The following HS6ST3 variants were observed in gnomAD, a reference collection of about 807,000 sequenced individuals.
The protein encoded by HS6ST3 is heparan-sulfate 6-O-sulfotransferase 3.
In HS6ST3, 12 loss-of-function variants were observed where a neutral mutation model predicts 36.7. That is an observed-to-expected ratio of 0.33 (90% CI 0.21 to 0.53). The LOEUF (loss-of-function observed/expected upper bound fraction) is 0.53, where lower values mean the gene tolerates loss of function less well. HS6ST3 is among the 20% of genes least tolerant of loss of function. The pLI is 0.95. For synonymous variants in HS6ST3, 240 were observed against 257.5 expected (o/e 0.93, Z 0.65); for missense variants, 584 against 640.9 (o/e 0.91, Z 0.96).
chr13:96,284,775 C>A (rs1193392854), intron 1 of HS6ST3, among the ~76,000 whole-genome samples: 5 of 151,946 alleles, frequency 3.3e-5, no homozygotes, highest in African/African-American at 9.7e-5. Flanking sequence ...TGCTTGCTTG[C>A]TTGCTTGCTT....
intron 1 of HS6ST3, among the ~76,000 whole-genome samples, chr13:96,464,138 C>CAAAAAAA (rs67305199): frequency 0.068 from 2,650 of 38,710 alleles, 323 homozygotes; most frequent in East Asian, 0.09. Context: ...TGTCAGGCCT[C>CAAAAAAA]AAAAAAAAAA....
At chr13:96,204,770 G>A (rs1488786657) in intron 1 of HS6ST3, among the ~76,000 whole-genome samples, 1 of 152,126 alleles carries the variant, frequency 6.6e-6, no homozygotes, top group Non-Finnish European at 1.5e-5. Flanking sequence ...AATTAAAGTA[G>A]AAATCAAGAA....
intron 1 of HS6ST3, among the ~76,000 whole-genome samples, chr13:96,381,952 A>G (rs2055343611): frequency 6.6e-6 from 1 of 152,144 alleles, no homozygotes; most frequent in Admixed American, 6.5e-5. Context: ...CAGGGGCTGC[A>G]TTAAGGAACA....
chr13:96,317,341 T>C (rs1200027978), intron 1 of HS6ST3, among the ~76,000 whole-genome samples: 1 of 19,388 alleles, frequency 5.2e-5, no homozygotes, highest in Non-Finnish European at 9.8e-5. Flanking sequence ...TATATATATA[T>C]ATATATATAT....
At chr13:96,521,665 G>T (rs929774141) in intron 1 of HS6ST3, among the ~76,000 whole-genome samples, 2 of 152,128 alleles carry the variant, frequency 1.3e-5, no homozygotes, top group African/African-American at 2.4e-5. Context: ...TTCTCTGATG[G>T]TAGTTTGTAT....
At chr13:96,448,756 T>C (rs2055711918) in intron 1 of HS6ST3, among the ~76,000 whole-genome samples, 1 of 152,072 alleles carries the variant, frequency 6.6e-6, no homozygotes, top group Non-Finnish European at 1.5e-5. Context: ...AAAGTGTCCT[T>C]CTGTATTCCC....
intron 1 of HS6ST3, among the ~76,000 whole-genome samples, chr13:96,600,193 G>C (rs1181907374): frequency 3.3e-5 from 5 of 152,052 alleles, no homozygotes; most frequent in East Asian, 3.9e-4. Flanking sequence ...TTTGTTGGCT[G>C]TCTGCCTTAA....
At chr13:96,566,007 C>T (rs775994729) in intron 1 of HS6ST3, among the ~76,000 whole-genome samples, 2 of 151,736 alleles carry the variant, frequency 1.3e-5, no homozygotes, top group South Asian at 4.2e-4. Flanking sequence ...TAAGTATTCT[C>T]ATAGAGATAA....
chr13:96,607,989 A>C (rs1292289187), intron 1 of HS6ST3, among the ~76,000 whole-genome samples: 1 of 152,224 alleles, frequency 6.6e-6, no homozygotes, highest in South Asian at 2.1e-4. Flanking sequence ...GTAGCTATCA[A>C]GGAAGCTTTC....
At chr13:96,466,535 T>A (rs1414305951) in intron 1 of HS6ST3, among the ~76,000 whole-genome samples, 1 of 152,228 alleles carries the variant, frequency 6.6e-6, no homozygotes, top group Non-Finnish European at 1.5e-5. Context: ...TTATTTGTCT[T>A]TCTATGTCTG....
chr13:96,785,854 A>G lies in HS6ST3; in HGVS notation c.708-46636A>G, dbSNP rs578124151. On this transcript the variant is annotated intron_variant, in intron 1 of 1. Coordinates refer to ENST00000376705, the MANE Select transcript of HS6ST3 (RefSeq NM_153456.4). ...ATTCTCACAGAAATATTGCTCTGTA[A>G]GTAGTGTCTTCACTTCGCATATGCA... Among the ~76,000 whole-genome samples, 58 of 152,338 alleles carry G rather than the reference A, an allele frequency of 3.8e-4. 1 individual carries two copies. Among genetic ancestry groups the G allele is most frequent in the Non-Finnish European group, 1.9e-4 (13 of 68,044 alleles).
At chr13:96,131,379 G>A (rs1319448480) in intron 1 of HS6ST3, among the ~76,000 whole-genome samples, 2 of 151,800 alleles carry the variant, frequency 1.3e-5, no homozygotes, top group Admixed American at 6.6e-5. Context: ...AAATCTTACT[G>A]GTTGAAGTTA....
chr13:96,348,838 G>A (rs1424523088), intron 1 of HS6ST3, among the ~76,000 whole-genome samples: 1 of 152,220 alleles, frequency 6.6e-6, no homozygotes. Flanking sequence ...TTTGCTCAAA[G>A]AGGAGCAGGT....
chr13:96,244,806 C>T (rs906067552), intron 1 of HS6ST3, among the ~76,000 whole-genome samples: 1 of 152,102 alleles, frequency 6.6e-6, no homozygotes, highest in Admixed American at 6.5e-5. Flanking sequence ...CAGAAGTCTG[C>T]CAAATATGAT....
chr13:96,242,541 A>G (rs575969381), intron 1 of HS6ST3, among the ~76,000 whole-genome samples: 32 of 152,150 alleles, frequency 2.1e-4, no homozygotes, highest in African/African-American at 7.0e-4. Context: ...AGGTCCTTAC[A>G]TAAGTGGAAT....
intron 1 of HS6ST3, among the ~76,000 whole-genome samples, chr13:96,538,466 C>T (rs1594802468): frequency 6.6e-6 from 1 of 152,314 alleles, no homozygotes; most frequent in African/African-American, 2.4e-5. Flanking sequence ...ATTTTTGAGA[C>T]AGGGTCTCAC....
At chr13:96,095,959 C>T (rs565275276) in intron 1 of HS6ST3, among the ~76,000 whole-genome samples, 15 of 151,028 alleles carry the variant, frequency 9.9e-5, no homozygotes, top group Middle Eastern at 3.5e-3. Context: ...CCACTGGATT[C>T]TGGACAACCC....
chr13:96,232,614 G>A (rs1473898680), intron 1 of HS6ST3, among the ~76,000 whole-genome samples: 3 of 152,070 alleles, frequency 2.0e-5, no homozygotes, highest in Non-Finnish European at 2.9e-5. Context: ...GAGTGTCAGG[G>A]GGACAGTGGT....
At chr13:96,468,429 T>C (rs1368797183) in intron 1 of HS6ST3, among the ~76,000 whole-genome samples, 2 of 151,930 alleles carry the variant, frequency 1.3e-5, no homozygotes, top group East Asian at 3.9e-4. Flanking sequence ...TGAATTACTT[T>C]GTGTGGCCAT....
Sources: allele counts gnomAD v4.1 joint callset (sites outside exome capture counted in the v4.1 genomes callset), GRCh38; gene constraint gnomAD v4.1.1; transcripts MANE v1.5; gene names NCBI Gene and HGNC (gene_info 2026-07-23, HGNC 2026-07-21).